VPS45: variants seen among roughly 807,000 people sequenced by gnomAD.
The protein encoded by VPS45 is vacuolar protein sorting-associated protein 45.
In VPS45, 35 loss-of-function variants were observed where a neutral mutation model predicts 75.9. The observed-to-expected ratio is 0.46, with a 90% CI of 0.35 to 0.61. The LOEUF is 0.61. Among genes scored for constraint, VPS45 ranks in the 20% least tolerant of loss-of-function variants. VPS45 has a pLI of 0.00. For missense variants in VPS45, 559 were observed against 685.9 expected (o/e 0.81, Z 2.07); for synonymous variants, 220 against 238.2 (o/e 0.92, Z 0.70).
At chr1:150,102,994 C>A (rs949297561) in intron 13 of VPS45, among the ~76,000 whole-genome samples, 136 of 152,192 alleles carry the variant, frequency 8.9e-4, no homozygotes, top group Non-Finnish European at 1.2e-3. Flanking sequence ...CAAACCTTCA[C>A]ATGTACCCCC....
intron 12 of VPS45, 121 bp downstream of exon 12, chr1:150,092,530 T>C: frequency 1.3e-6 from 1 of 742,066 alleles, no homozygotes; most frequent in Non-Finnish European, 2.0e-6. Flanking sequence ...ACTGTGTCAG[T>C]TAAATGAAAT....
intron 14 of VPS45, among the ~76,000 whole-genome samples, chr1:150,120,173 A>G (rs1407255603): frequency 6.6e-6 from 1 of 152,098 alleles, no homozygotes; most frequent in Non-Finnish European, 1.5e-5. Context: ...CAGAACTACC[A>G]CTTACTAGTT....
chr1:150,067,916 C>T lies in VPS45; in HGVS notation c.59C>T (p.Pro20Leu). 6.2e-7 allele frequency: 1 copy of T among 1,614,170 alleles called. No homozygotes were observed. Among genetic ancestry groups the T allele is most frequent in the East Asian group, 2.2e-5 (1 of 44,888 alleles). The change falls in exon 1 of 15, where the codon CCT becomes CTT. Residue 20 changes from proline (P) to leucine (L), a missense_variant. Coordinates refer to ENST00000644510, the MANE Select transcript of VPS45 (RefSeq NM_007259.5). ...YISKMIEDSG[P>L]GMKVLLMDKE... ...TCCAAAATGATAGAGGACAGCGGGCCTGGTATGAAAGTACTTCTCATGGAT... is the reference window on the plus strand; with the variant it reads ...TCCAAAATGATAGAGGACAGCGGGCTTGGTATGAAAGTACTTCTCATGGAT...
intron 14 of VPS45, among the ~76,000 whole-genome samples, chr1:150,136,045 T>C (rs1659074209): frequency 6.7e-6 from 1 of 149,230 alleles, no homozygotes; most frequent in Admixed American, 6.6e-5. Flanking sequence ...GGTCAGGTGT[T>C]CAAGACCAGC....
chr1:150,071,043 T>C (rs782396112), intron 2 of VPS45, among the ~76,000 whole-genome samples: 5 of 152,108 alleles, frequency 3.3e-5, no homozygotes, highest in Non-Finnish European at 7.4e-5. Flanking sequence ...TAATTTGAAA[T>C]CTAAATTGCA....
intron 13 of VPS45, among the ~76,000 whole-genome samples, chr1:150,096,785 G>A (rs1286733266): frequency 6.6e-6 from 1 of 152,154 alleles, no homozygotes; most frequent in Non-Finnish European, 1.5e-5. Context: ...TCCTGGCCAT[G>A]CCTAACAGAA....
chr1:150,099,497 G>A (rs1417687695), intron 13 of VPS45, among the ~76,000 whole-genome samples: 1 of 86,836 alleles, frequency 1.2e-5, no homozygotes, highest in Non-Finnish European at 2.2e-5. Flanking sequence ...GGGCGACAGA[G>A]TGAGACTCCA....
chr1:150,077,447 C>CA (rs1655457974), intron 6 of VPS45: 1 of 748,342 alleles, frequency 1.3e-6, no homozygotes, highest in African/African-American at 1.8e-5. Flanking sequence ...AGCTATTTAA[C>CA]TTTTTTTGGT....
intron 14 of VPS45, among the ~76,000 whole-genome samples, chr1:150,140,483 T>C (rs1553815043): frequency 6.6e-6 from 1 of 151,998 alleles, no homozygotes; most frequent in East Asian, 1.9e-4. Flanking sequence ...TATAGTAATA[T>C]GTGTACACCA....
intron 14 of VPS45, among the ~76,000 whole-genome samples, chr1:150,144,185 G>C (rs1553816049): frequency 1.3e-5 from 2 of 151,944 alleles, no homozygotes; most frequent in Non-Finnish European, 2.9e-5. Context: ...CTGGGCTCGA[G>C]CAATCCACCC....
At chr1:150,074,242 C>T (rs1294866428) in intron 3 of VPS45, among the ~76,000 whole-genome samples, 2 of 151,860 alleles carry the variant, frequency 1.3e-5, no homozygotes, top group African/African-American at 2.4e-5. Flanking sequence ...AGACTGGTCT[C>T]AAACTCCTGA....
At chr1:150,072,966 C>T (rs1311981119) in intron 3 of VPS45, among the ~76,000 whole-genome samples, 3 of 152,064 alleles carry the variant, frequency 2.0e-5, no homozygotes. Context: ...AAAAGCCTTT[C>T]ACTTCTCTTT....
At chr1:150,107,454 C>A (rs1657393557) in intron 13 of VPS45, among the ~76,000 whole-genome samples, 1 of 152,182 alleles carries the variant, frequency 6.6e-6, no homozygotes, top group African/African-American at 2.4e-5. Context: ...ACTGGACATC[C>A]AGTACCTCCT....
Position 150,144,890 on chromosome 1 carries a change from T to C in VPS45, c.*94T>C. The C allele has an allele frequency of 1.3e-6, 2 of 1,580,632 alleles. No homozygotes were observed. The highest frequency in any genetic ancestry group is 2.3e-5 in the East Asian group (1 of 43,950). On this transcript the variant is annotated 3_prime_UTR_variant, in exon 15 of 15. Transcript: ENST00000644510. ...GGTGTTGGAGAGCAGCTTTGGGTTC[T>C]GTGCTGGTTGTTAGAACTCATCTCC... is the stretch of plus-strand genomic sequence containing the variant.
At chr1:150,130,409 C>T (rs782637789) in intron 14 of VPS45, among the ~76,000 whole-genome samples, 1 of 151,400 alleles carries the variant, frequency 6.6e-6, no homozygotes, top group Non-Finnish European at 1.5e-5. Context: ...CTAGGCTGGT[C>T]TCAGACTCCT....
At chr1:150,087,227 G>T (rs1656065518) in intron 10 of VPS45, among the ~76,000 whole-genome samples, 5 of 152,174 alleles carry the variant, frequency 3.3e-5, no homozygotes, top group Admixed American at 3.3e-4. Context: ...GATCTCCAAA[G>T]ACACTATTTT....
intron 10 of VPS45, among the ~76,000 whole-genome samples, chr1:150,087,653 A>G (rs1656085176): frequency 1.3e-5 from 2 of 152,210 alleles, no homozygotes; most frequent in Admixed American, 1.3e-4. Flanking sequence ...AAGTGGGATC[A>G]AGGCAGACAA....
intron 14 of VPS45, among the ~76,000 whole-genome samples, chr1:150,141,776 T>G (rs1418522896): frequency 6.6e-6 from 1 of 152,180 alleles, no homozygotes; most frequent in Non-Finnish European, 1.5e-5. Flanking sequence ...GAGAGTCCCT[T>G]AAGGTAGGAA....
At chr1:150,136,883 G>T (rs1447213999) in intron 14 of VPS45, among the ~76,000 whole-genome samples, 1 of 151,966 alleles carries the variant, frequency 6.6e-6, no homozygotes, top group African/African-American at 2.4e-5. Flanking sequence ...TGAGATGCCT[G>T]GTATTTCCAG....
Sources: allele counts gnomAD v4.1 joint callset (sites outside exome capture counted in the v4.1 genomes callset), GRCh38; gene constraint gnomAD v4.1.1; transcripts MANE v1.5; gene names NCBI Gene and HGNC (gene_info 2026-07-23, HGNC 2026-07-21).